NKTR: variants seen among roughly 807,000 people sequenced by gnomAD.
NKTR encodes natural killer cell triggering receptor.
NKTR carries 67 observed loss-of-function variants against 156.3 expected under a neutral mutation model. The observed-to-expected ratio is 0.43, with a 90% CI of 0.35 to 0.53. NKTR has a LOEUF of 0.53. NKTR is among the 20% of genes least tolerant of loss of function. NKTR has a pLI of 0.01. For missense variants in NKTR, 1,604 were observed against 1,730.9 expected (o/e 0.93, Z 1.30); for synonymous variants, 640 against 596.6 (o/e 1.07, Z -1.06).
rs1220327704 is a variant in NKTR, at chr3:42,627,445, T to G, written c.375-3101T>G. 5.1e-6 allele frequency: 5 copies of G among 985,096 alleles called. No individual in the cohort carries two copies. The South Asian group carries it at 2.3e-4, about 46-fold the overall frequency. The allele number at this position is 985,096 out of a possible 1,614,324, so 61.0% of individuals were successfully genotyped here. ...GTTTCCACCAAGTTCCTGTACATCTTCTGGTGGGGGAGTGGGGTTATTAGT... is the reference window on the plus strand; with the variant it reads ...GTTTCCACCAAGTTCCTGTACATCTGCTGGTGGGGGAGTGGGGTTATTAGT... On this transcript the variant is annotated intron_variant, in intron 6 of 16. Transcript: ENST00000232978.
chr3:42,644,629 C>T (rs1396155747), intron 16 of NKTR, among the ~76,000 whole-genome samples: 2 of 152,170 alleles, frequency 1.3e-5, no homozygotes, highest in Non-Finnish European at 1.5e-5. Context: ...GGACTCCCTG[C>T]TGCTTTCATG....
rs1444514257 is a variant in NKTR at position 42,638,303 on chromosome 3, G to C, written c.2599G>C (p.Asp867His). Reference sequence around the variant, plus strand: ...AAGAACTTTGAAAGAGAATCTTTCTGATCACCTTAGAAATGGCAGTAAGCC... The same window carrying C: ...AAGAACTTTGAAAGAGAATCTTTCTCATCACCTTAGAAATGGCAGTAAGCC... ...KKRTLKENLS[D>H]HLRNGSKPKR... Residue 867 changes from aspartate to histidine, a missense_variant, in exon 13 of 17, where the codon GAT (aspartate) becomes CAT (histidine). Transcript: ENST00000232978. 3 of 1,606,948 alleles carry C rather than the reference G, an allele frequency of 1.9e-6. No homozygotes were observed. The East Asian group carries it at 6.7e-5, about 36-fold the overall frequency.
intron 2 of NKTR, among the ~76,000 whole-genome samples, chr3:42,603,446 G>T (rs998215700): frequency 6.7e-5 from 10 of 148,762 alleles, no homozygotes; most frequent in African/African-American, 2.5e-4. Flanking sequence ...CCTAGTAAAT[G>T]TTCAGATCCT....
At chr3:42,629,750 G>A (rs1708723833) in intron 6 of NKTR, 5 of 985,328 alleles carry the variant, frequency 5.1e-6, no homozygotes, top group Non-Finnish European at 6.0e-6. Context: ...CTGTGAAAAT[G>A]CTATGGGAAA....
intron 12 of NKTR, among the ~76,000 whole-genome samples, chr3:42,635,954 C>A (rs1160158563): frequency 6.6e-6 from 1 of 152,088 alleles, no homozygotes; most frequent in Non-Finnish European, 1.5e-5. Flanking sequence ...ATAGCAGATT[C>A]TTTCCTAGCC....
At position 42,634,716 on chromosome 3, in the gene NKTR, CTTTT is replaced by C. The variant is rs747792224; in HGVS notation, c.1017+20_1017+23del. 7.0e-7 allele frequency: 1 copy of C among 1,432,974 alleles called. No homozygotes were observed. The highest frequency in any genetic ancestry group is 1.3e-5 in the South Asian group (1 of 78,960). The allele number at this position is 1,432,974 out of a possible 1,614,324, so 88.8% of individuals were successfully genotyped here. A position where few individuals can be genotyped will look rare whatever the true frequency, so the allele number is the denominator to read the frequency against. ...GGGCACAATTGTATGTGTGATAAGA[CTTTT>C]TTTGATATTATGTATCTAATAAAAA... is the stretch of plus-strand genomic sequence containing the variant. On this transcript the variant is annotated intron_variant, in intron 11 of 16. Coordinates refer to ENST00000232978, the MANE Select transcript of NKTR (RefSeq NM_005385.4).
chr3:42,610,847 T>G (rs1706722534), intron 2 of NKTR, among the ~76,000 whole-genome samples: 2 of 152,194 alleles, frequency 1.3e-5, no homozygotes, highest in Non-Finnish European at 2.9e-5. Flanking sequence ...ACTTGAAGAT[T>G]AGAAGTAATT....
rs2125825865 is a variant in NKTR, at chr3:42,642,676, T to C, written c.4142+80T>C. 3 of 962,728 alleles carry C rather than the reference T, an allele frequency of 3.1e-6. No homozygotes were observed. The South Asian group carries it at 3.9e-5, about 12-fold the overall frequency. 59.6% of individuals were successfully genotyped at this position (962,728 alleles called of 1,614,324 possible). On this transcript the variant is annotated intron_variant, in intron 14 of 16. Coordinates refer to ENST00000232978, the MANE Select transcript of NKTR (RefSeq NM_005385.4). Reference sequence around the variant, plus strand: ...GCTACATAGGCAGAGGGGGTAGTTGTTGAGAAGAATCATGTCATTACTGAA... The same window carrying C: ...GCTACATAGGCAGAGGGGGTAGTTGCTGAGAAGAATCATGTCATTACTGAA...
At chr3:42,634,037 C>T (rs1709159647) in intron 10 of NKTR, among the ~76,000 whole-genome samples, 2 of 152,178 alleles carry the variant, frequency 1.3e-5, no homozygotes, top group South Asian at 4.1e-4. Flanking sequence ...TTGCCTTTGC[C>T]TTTTATTAGA....
At chr3:42,640,039 CTGCTTCT>C (rs1709749137) in intron 13 of NKTR, among the ~76,000 whole-genome samples, 1 of 152,156 alleles carries the variant, frequency 6.6e-6, no homozygotes, top group African/African-American at 2.4e-5. Context: ...AGGTGTGAGG[CTGCTTCT>C]TGCCAGTCAA....
chr3:42,617,940 T>G (rs1017300265), intron 3 of NKTR, among the ~76,000 whole-genome samples: 2 of 152,152 alleles, frequency 1.3e-5, no homozygotes, highest in Non-Finnish European at 2.9e-5. Context: ...CAAAACTGAT[T>G]TGGTAGAATT....
rs115789017 is a variant in NKTR at position 42,630,949 on chromosome 3, A to G, written c.405-222A>G. 824 of 1,405,912 alleles carry G rather than the reference A, an allele frequency of 5.9e-4. 4 individuals are homozygous for G. The African/African-American group carries it at 0.011, about 19-fold the overall frequency. 87.1% of individuals were successfully genotyped at this position (1,405,912 alleles called of 1,614,324 possible). A position where few individuals can be genotyped will look rare whatever the true frequency, so the allele number is the denominator to read the frequency against. Reference sequence around the variant, plus strand: ...ACTCTTTACCCTAAAATGGTTAAGAACCATTGTTTTAAAGGCAGAAAACTG... The same window carrying G: ...ACTCTTTACCCTAAAATGGTTAAGAGCCATTGTTTTAAAGGCAGAAAACTG... On this transcript the variant is annotated intron_variant, in intron 7 of 16. Coordinates refer to ENST00000232978, the MANE Select transcript of NKTR (RefSeq NM_005385.4).
chr3:42,629,058 T>G (rs1233406054), intron 6 of NKTR: 2 of 918,446 alleles, frequency 2.2e-6, no homozygotes, highest in Non-Finnish European at 2.6e-6. Context: ...TATAATAGAG[T>G]CACTAGCTTC....
chr3:42,633,011 T>C, intron 9 of NKTR, 188 bp downstream of exon 9: 1 of 1,280,082 alleles, frequency 7.8e-7, no homozygotes, highest in Non-Finnish European at 9.9e-7. Flanking sequence ...AAGATTTGTG[T>C]GTTTTCAGTT....
intron 3 of NKTR, 115 bp from the exon 4 acceptor site, chr3:42,618,905 C>T: frequency 1.2e-6 from 1 of 813,098 alleles, no homozygotes; most frequent in Non-Finnish European, 1.9e-6. Flanking sequence ...TCTTATATCT[C>T]TTCCAGTGCC....
rs146538009 is a variant in NKTR at position 42,636,300 on chromosome 3, T to C, written c.1164-568T>C. On this transcript the variant is annotated intron_variant, in intron 12 of 16. Coordinates refer to ENST00000232978, the MANE Select transcript of NKTR (RefSeq NM_005385.4). Reference sequence around the variant, plus strand: ...CAGTGGTGCTGAGGACTTTCAGTTCTGAGCCTTGACATTAACACTCAGATT... The same window carrying C: ...CAGTGGTGCTGAGGACTTTCAGTTCCGAGCCTTGACATTAACACTCAGATT... 7.5e-3 allele frequency among the ~76,000 whole-genome samples: 1,150 copies of C among 152,372 alleles called. 6 individuals carry two copies. The highest frequency in any genetic ancestry group is 0.012 in the Non-Finnish European group (786 of 68,030).
At chr3:42,630,493 C>A in intron 6 of NKTR, 53 bp from the exon 7 acceptor site, 1 of 1,611,762 alleles carries the variant, frequency 6.2e-7, no homozygotes, top group Non-Finnish European at 8.5e-7. Context: ...CTGCTCTCTT[C>A]ACCTGAACAC....
At chr3:42,630,188 GTT>G (rs935384623) in intron 6 of NKTR, 13 of 824,114 alleles carry the variant, frequency 1.6e-5, no homozygotes, top group East Asian at 8.0e-5. Context: ...AATTTTGAGG[GTT>G]TTTTTTTTTA....
Position 42,638,169 on chromosome 3 carries a change from C to A in NKTR, c.2465C>A (p.Ala822Asp), listed in dbSNP as rs749646245. 2 of 1,611,760 alleles carry A rather than the reference C, an allele frequency of 1.2e-6. No homozygotes were observed. The highest frequency in any genetic ancestry group is 2.7e-5 in the African/African-American group (2 of 74,476). Residue 822 changes from alanine to aspartate, a missense_variant, in exon 13 of 17, where the codon GCC becomes GAC. Ala to Asp is a moderately radical substitution (Grantham distance 126). This residue lies in a region of NKTR where 1,255 missense variants were observed against 1,243.7 expected (regional missense o/e 1.01). Coordinates refer to ENST00000232978, the MANE Select transcript of NKTR (RefSeq NM_005385.4). ...EQSSVQATQS[A>D]QEKEKQGQME... ...TCAAGTGTTCAGGCCACACAGTCAG[C>A]CCAGGAAAAAGAGAAGCAGGGCCAA...
Sources: allele counts gnomAD v4.1 joint callset (sites outside exome capture counted in the v4.1 genomes callset), GRCh38; gene constraint gnomAD v4.1.1; regional missense constraint gnomAD v4.1.1; transcripts MANE v1.5; gene names NCBI Gene and HGNC (gene_info 2026-07-23, HGNC 2026-07-21).